ADCY2: variants seen among roughly 807,000 people sequenced by gnomAD.
ADCY2 encodes the protein adenylate cyclase type 2.
ADCY2 carries 31 observed loss-of-function variants against 125.2 expected under a neutral mutation model. The observed-to-expected ratio is 0.25, with a 90% confidence interval of 0.19 to 0.33. The LOEUF (loss-of-function observed/expected upper bound fraction) is 0.33. Among genes scored for constraint, ADCY2 ranks in the 10% least tolerant of loss-of-function variants. The probability of loss-of-function intolerance (pLI) is 1.00; values close to 1 mark genes in which losing one functional copy is unlikely to be tolerated. For synonymous variants in ADCY2, 512 were observed against 548.4 expected (o/e 0.93, Z 0.93); for missense variants, 904 against 1,418.2 (o/e 0.64, Z 5.82).
At chr5:7,780,402 G>A (rs909493313) in intron 18 of ADCY2, among the ~76,000 whole-genome samples, 1 of 152,182 alleles carries the variant, frequency 6.6e-6, no homozygotes, top group Non-Finnish European at 1.5e-5. Context: ...GGGGTCACTT[G>A]TGGACAAAGC....
chr5:7,453,896 C>T (rs543334814), intron 2 of ADCY2, among the ~76,000 whole-genome samples: 4 of 152,200 alleles, frequency 2.6e-5, no homozygotes, highest in South Asian at 2.1e-4. Flanking sequence ...AGTTAAACTC[C>T]GCCATTTTGC....
chr5:7,443,359 T>G (rs1310611165), intron 2 of ADCY2, among the ~76,000 whole-genome samples: 1 of 152,024 alleles, frequency 6.6e-6, no homozygotes, highest in Non-Finnish European at 1.5e-5. Flanking sequence ...CTTGTTTTAT[T>G]GTGGAATACA....
chr5:7,683,980 T>C (rs1740427282), intron 4 of ADCY2, among the ~76,000 whole-genome samples: 2 of 152,128 alleles, frequency 1.3e-5, no homozygotes, highest in South Asian at 2.1e-4. Context: ...GTACCTTATG[T>C]TGAGGGTTTT....
intron 4 of ADCY2, among the ~76,000 whole-genome samples, chr5:7,643,431 C>T (rs1192664477): frequency 6.6e-6 from 1 of 151,992 alleles, no homozygotes; most frequent in Non-Finnish European, 1.5e-5. Context: ...TTTTTGTTTT[C>T]ATCCCCTGAA....
chr5:7,421,726 T>C (rs1028389948), intron 2 of ADCY2, among the ~76,000 whole-genome samples: 5 of 152,178 alleles, frequency 3.3e-5, no homozygotes, highest in Non-Finnish European at 7.3e-5. Context: ...CTCCTCCTTC[T>C]TAGATTTGGA....
intron 10 of ADCY2, among the ~76,000 whole-genome samples, chr5:7,711,483 T>G (rs753689258): frequency 7.2e-5 from 11 of 152,222 alleles, no homozygotes; most frequent in Non-Finnish European, 1.2e-4. Flanking sequence ...CGAATGTGAT[T>G]TCCTGTGCTG....
At chr5:7,487,329 A>C (rs1742973241) in intron 2 of ADCY2, among the ~76,000 whole-genome samples, 1 of 151,874 alleles carries the variant, frequency 6.6e-6, no homozygotes, top group African/African-American at 2.4e-5. Context: ...CCCCACCATC[A>C]CCACTGCCAC....
intron 2 of ADCY2, among the ~76,000 whole-genome samples, chr5:7,418,803 G>A (rs551923166): frequency 1.3e-4 from 20 of 151,686 alleles, no homozygotes; most frequent in African/African-American, 3.1e-4. Flanking sequence ...TTATAGGCAC[G>A]TGCCACCACA....
chr5:7,429,238 G>A (rs1256587677), intron 2 of ADCY2, among the ~76,000 whole-genome samples: 1 of 152,200 alleles, frequency 6.6e-6, no homozygotes, highest in African/African-American at 2.4e-5. Flanking sequence ...TAGTACCTCA[G>A]GAGGAGCTAA....
At chr5:7,403,049 A>G (rs1267520413) in intron 1 of ADCY2, among the ~76,000 whole-genome samples, 1 of 152,144 alleles carries the variant, frequency 6.6e-6, no homozygotes, top group Non-Finnish European at 1.5e-5. Flanking sequence ...TGCAGCTAGG[A>G]CAAGCCAGAG....
intron 2 of ADCY2, among the ~76,000 whole-genome samples, chr5:7,475,147 C>A (rs958658038): frequency 1.3e-5 from 2 of 152,190 alleles, no homozygotes; most frequent in Non-Finnish European, 1.5e-5. Context: ...AGCTGCTTCT[C>A]CAGCACATAG....
chr5:7,578,399 G>A (rs1736320194), intron 3 of ADCY2, among the ~76,000 whole-genome samples: 1 of 152,168 alleles, frequency 6.6e-6, no homozygotes, highest in African/African-American at 2.4e-5. Context: ...TTCCCCCAGT[G>A]TAAACACTTA....
chr5:7,755,748 A>G (rs1242331743), intron 15 of ADCY2, among the ~76,000 whole-genome samples: 4 of 152,080 alleles, frequency 2.6e-5, no homozygotes, highest in Non-Finnish European at 5.9e-5. Flanking sequence ...AACCTTCTCA[A>G]CTCCTCTCTC....
chr5:7,597,507 G>T (rs1435586278), intron 3 of ADCY2, among the ~76,000 whole-genome samples: 1 of 152,248 alleles, frequency 6.6e-6, no homozygotes. Context: ...AGGCGCAGTG[G>T]CTCACGCCTG....
intron 2 of ADCY2, among the ~76,000 whole-genome samples, chr5:7,481,556 C>T (rs1742732614): frequency 6.6e-6 from 1 of 152,158 alleles, no homozygotes; most frequent in Non-Finnish European, 1.5e-5. Flanking sequence ...CGTGAGCCAC[C>T]ACGCCTGGCC....
intron 1 of ADCY2, among the ~76,000 whole-genome samples, chr5:7,404,106 G>A (rs1000787076): frequency 2.6e-5 from 4 of 152,034 alleles, no homozygotes; most frequent in African/African-American, 9.7e-5. Flanking sequence ...TCAATAAGTT[G>A]TTTTTCTAGG....
chr5:7,665,002 A>C (rs751210585), intron 4 of ADCY2, among the ~76,000 whole-genome samples: 4 of 151,858 alleles, frequency 2.6e-5, no homozygotes, highest in Non-Finnish European at 5.9e-5. Context: ...CCTCACTTTG[A>C]GTTGTCCCAC....
chr5:7,557,119 A>G (rs916067332), intron 3 of ADCY2, among the ~76,000 whole-genome samples: 3 of 133,054 alleles, frequency 2.3e-5, no homozygotes, highest in South Asian at 4.5e-4. Context: ...CCTATAAATC[A>G]TGAAGCAAAA....
chr5:7,773,768 C>A (rs2126483503), intron 18 of ADCY2, among the ~76,000 whole-genome samples: 1 of 152,266 alleles, frequency 6.6e-6, no homozygotes, highest in African/African-American at 2.4e-5. Flanking sequence ...AACCATAAGC[C>A]TAGATGCAGC....
Sources: gnomAD v4.1 joint callset for allele counts (sites outside exome capture counted in the v4.1 genomes callset) on GRCh38, gnomAD v4.1.1 for gene constraint, MANE v1.5 for transcripts, NCBI Gene and HGNC (gene_info 2026-07-23, HGNC 2026-07-21) for gene names.